The following CNOT10 variants were observed in gnomAD, a reference collection of about 807,000 sequenced individuals.
CNOT10 encodes the protein CCR4-NOT transcription complex, subunit 10.
CNOT10 carries 30 observed loss-of-function variants against 94.6 expected under a neutral mutation model. The ratio of observed to expected loss-of-function variants is 0.32; its 90% CI spans 0.24 to 0.43. CNOT10 has a LOEUF of 0.43. Ranked by LOEUF, CNOT10 falls within the 20% of genes least tolerant of loss-of-function variation. The pLI is 1.00. For synonymous variants in CNOT10, 289 were observed against 301.6 expected (o/e 0.96, Z 0.43); for missense variants, 759 against 877.2 (o/e 0.87, Z 1.70).
intron 12 of CNOT10, among the ~76,000 whole-genome samples, chr3:32,735,403 TCAGA>T (rs1221554912): frequency 8.6e-5 from 13 of 151,996 alleles, no homozygotes; most frequent in Admixed American, 2.0e-4. Flanking sequence ...AGTCCTGTTG[TCAGA>T]CAGCTTTAAA....
At chr3:32,729,069 C>G (rs1698819137) in intron 10 of CNOT10, among the ~76,000 whole-genome samples, 1 of 152,168 alleles carries the variant, frequency 6.6e-6, no homozygotes, top group African/African-American at 2.4e-5. Flanking sequence ...GCACTCCAGC[C>G]TGGGTGACAG....
chr3:32,721,065 T>C (rs1453883710), intron 8 of CNOT10, among the ~76,000 whole-genome samples: 7 of 138,904 alleles, frequency 5.0e-5, no homozygotes, highest in African/African-American at 1.8e-4. Flanking sequence ...CCTTTCTTTT[T>C]TTTTTTTTTT....
At chr3:32,692,241 T>C (rs1031582125) in intron 1 of CNOT10, among the ~76,000 whole-genome samples, 1 of 152,154 alleles carries the variant, frequency 6.6e-6, no homozygotes, top group African/African-American at 2.4e-5. Context: ...CATGTGCCTG[T>C]AGTCCCAGCT....
chr3:32,725,101 A>C (rs775041075), intron 8 of CNOT10, among the ~76,000 whole-genome samples: 1 of 152,194 alleles, frequency 6.6e-6, no homozygotes, highest in Non-Finnish European at 1.5e-5. Flanking sequence ...TGGGAAGCCA[A>C]GGTGAAAGGG....
intron 13 of CNOT10, among the ~76,000 whole-genome samples, chr3:32,738,912 T>G (rs1236329492): frequency 1.3e-5 from 2 of 151,562 alleles, no homozygotes; most frequent in African/African-American, 4.8e-5. Flanking sequence ...TTCTTTCTTT[T>G]TTTTTTTTTT....
chr3:32,727,868 G>C lies in CNOT10; in HGVS notation c.1213G>C (p.Gly405Arg), dbSNP rs758575131. The C allele has an allele frequency of 5.6e-6, 9 of 1,611,698 alleles. No homozygotes were observed. Among genetic ancestry groups the C allele is most frequent in the East Asian group, 4.5e-5 (2 of 44,854 alleles). ...LAECCIAANK[G>R]TSEQETKGLP... ...TGAATGCTGCATTGCTGCCAATAAG[G>C]GGGTGAGTGCTACTTGGGTATCTTT... The change falls in exon 10 of 19, where the codon GGG becomes CGG. Residue 405 changes from glycine (G) to arginine (R), a missense_variant and splice_region_variant. By Grantham distance (125) the Gly-to-Arg change is moderately radical. Transcript: ENST00000328834.
intron 14 of CNOT10, among the ~76,000 whole-genome samples, chr3:32,759,833 A>T (rs1376106278): frequency 1.3e-5 from 2 of 149,434 alleles, no homozygotes; most frequent in Non-Finnish European, 3.0e-5. Context: ...TCTCCAAATA[A>T]GTCAAGTCCT....
At chr3:32,695,212 T>C (rs1315554298) in intron 1 of CNOT10, among the ~76,000 whole-genome samples, 1 of 152,172 alleles carries the variant, frequency 6.6e-6, no homozygotes, top group Non-Finnish European at 1.5e-5. Flanking sequence ...ATTTGAGGTT[T>C]TGGTAAGTCA....
At chr3:32,714,140 G>T (rs943747827) in intron 5 of CNOT10, among the ~76,000 whole-genome samples, 1 of 152,100 alleles carries the variant, frequency 6.6e-6, no homozygotes, top group Non-Finnish European at 1.5e-5. Context: ...GGCCACTTGT[G>T]AGGTTGTAAT....
Position 32,765,741 on chromosome 3 carries a change from T to C in CNOT10, c.2004+932T>C, listed in dbSNP as rs1267061779. On this transcript the variant is annotated intron_variant, in intron 17 of 18. Transcript: ENST00000328834. Reference sequence around the variant, plus strand: ...GGAAAACTGTCTAAAAGATCACTTATATAAATAATAGTGCATCTGTACAGT... The same window carrying C: ...GGAAAACTGTCTAAAAGATCACTTACATAAATAATAGTGCATCTGTACAGT... Among the ~76,000 whole-genome samples the C allele has an allele frequency of 1.1e-4, 6 of 53,496 alleles. 3 individuals are homozygous for C. The highest frequency in any genetic ancestry group is 3.5e-4 in the African/African-American group (6 of 17,244). The allele number at this position is 53,496 out of a possible 152,430, so 35.1% of individuals were successfully genotyped here.
rs753280021 is a variant in CNOT10 at position 32,727,681 on chromosome 3, A to C, written c.1026A>C (p.Ser342=). 1 of 1,611,666 alleles carries C rather than the reference A, an allele frequency of 6.2e-7. No individual in the cohort carries two copies. The highest frequency in any genetic ancestry group is 1.3e-5 in the African/African-American group (1 of 74,856). ...TTTTATCACTAGGTAAAAAATTTTC[A>C]GGAAGACCCATGTGTACGTTACTAA... ...AGSTDPGKKF[S]GRPMCTLLTN... is the part of the protein sequence containing the mutation. The change falls in exon 10 of 19, where the codon TCA becomes TCC. Residue 342 remains serine, a synonymous_variant. Transcript: ENST00000328834.
chr3:32,734,747 C>G (rs1030843257), intron 11 of CNOT10, 53 bp from the exon 12 acceptor site: 2 of 1,384,758 alleles, frequency 1.4e-6, no homozygotes, highest in Non-Finnish European at 2.0e-6. Context: ...AATAAAAGAG[C>G]CTTATTTTAA....
At chr3:32,746,741 G>A (rs1250571996) in intron 13 of CNOT10, among the ~76,000 whole-genome samples, 1 of 151,780 alleles carries the variant, frequency 6.6e-6, no homozygotes, top group Non-Finnish European at 1.5e-5. Flanking sequence ...GGAGGCTGAG[G>A]CAGGAGAATG....
At chr3:32,750,087 T>C (rs1016118513) in intron 13 of CNOT10, among the ~76,000 whole-genome samples, 2 of 152,032 alleles carry the variant, frequency 1.3e-5, no homozygotes, top group African/African-American at 4.8e-5. Context: ...AGCGCGTGCC[T>C]GTATTCCTAG....
At position 32,759,358 on chromosome 3, in the gene CNOT10, C is replaced by T. The variant is rs547950173; in HGVS notation, c.1596-100C>T. On this transcript the variant is annotated intron_variant, in intron 13 of 18. Coordinates refer to ENST00000328834, the MANE Select transcript of CNOT10 (RefSeq NM_015442.3). ...GCTTCCTCTCCTCTTTCCTGGTGTC[C>T]AGATTGTCACAGCTAAAGGGCATTT... The T allele has an allele frequency of 5.2e-6, 4 of 768,842 alleles. No homozygotes were observed. The Admixed American group carries it at 6.7e-5, about 13-fold the overall frequency. The allele number at this position is 768,842 out of a possible 1,614,324, so 47.6% of individuals were successfully genotyped here. A position where few individuals can be genotyped will look rare whatever the true frequency, so the allele number is the denominator to read the frequency against.
intron 10 of CNOT10, chr3:32,730,938 A>G (rs537208365): frequency 6.6e-6 from 1 of 152,318 alleles, no homozygotes; most frequent in Admixed American, 6.5e-5. Flanking sequence ...TCGGTGCTTG[A>G]AGGTATGGAT....
At chr3:32,709,611 C>G (rs1697779608) in intron 4 of CNOT10, among the ~76,000 whole-genome samples, 1 of 152,110 alleles carries the variant, frequency 6.6e-6, no homozygotes, top group Non-Finnish European at 1.5e-5. Flanking sequence ...ATTACTATGG[C>G]TCCAGAGACC....
intron 1 of CNOT10, among the ~76,000 whole-genome samples, chr3:32,702,251 AC>A (rs1697387551): frequency 6.6e-6 from 1 of 152,176 alleles, no homozygotes; most frequent in African/African-American, 2.4e-5. Flanking sequence ...ATGAGCCATC[AC>A]GCCCAGCCAA....
chr3:32,754,490 AT>A (rs202141118), intron 13 of CNOT10, among the ~76,000 whole-genome samples: 330 of 25,094 alleles, frequency 0.013, 31 homozygotes, highest in African/African-American at 0.035. Flanking sequence ...AAAAAAAAAA[AT>A]ACATATATAT....
Sources: gnomAD v4.1 joint callset for allele counts (sites outside exome capture counted in the v4.1 genomes callset) on GRCh38, gnomAD v4.1.1 for gene constraint, MANE v1.5 for transcripts, NCBI Gene and HGNC (gene_info 2026-07-23, HGNC 2026-07-21) for gene names.